The following CCDC7 variants were observed in gnomAD, a reference collection of about 807,000 sequenced individuals.
CCDC7 encodes the protein coiled-coil domain-containing protein 7.
In CCDC7, 183 loss-of-function variants were observed where a neutral mutation model predicts 196.9. That is an observed-to-expected ratio of 0.93 (90% CI 0.82 to 1.05). CCDC7 has a LOEUF of 1.05. Among genes scored for constraint, CCDC7 ranks in the 50% least tolerant of loss-of-function variants. The probability of loss-of-function intolerance (pLI) is 0.00; values close to 1 mark genes in which losing one functional copy is unlikely to be tolerated. For missense variants in CCDC7, 1,540 were observed against 1,482.2 expected (o/e 1.04, Z -0.64); for synonymous variants, 525 against 484.6 (o/e 1.08, Z -1.10).
At chr10:32,528,713 TACATATATACGTATTTAC>T (rs2049109581) in intron 11 of CCDC7, among the ~76,000 whole-genome samples, 1 of 144,024 alleles carries the variant, frequency 6.9e-6, no homozygotes, top group Admixed American at 7.1e-5. Context: ...TATGTATATA[TACATATATACGTATTTAC>T]GTATATATGT....
At chr10:32,831,085 A>AT (rs1260586288) in intron 32 of CCDC7, among the ~76,000 whole-genome samples, 5 of 152,208 alleles carry the variant, frequency 3.3e-5, no homozygotes, top group South Asian at 2.1e-4. Context: ...AGCTTTCTAC[A>AT]TATCTAGGCT....
chr10:32,805,969 A>G (rs887401786), intron 30 of CCDC7, among the ~76,000 whole-genome samples: 4 of 152,198 alleles, frequency 2.6e-5, no homozygotes, highest in African/African-American at 9.7e-5. Flanking sequence ...ATTACATGAC[A>G]AGAGCAGGAG....
chr10:32,710,992 A>T (rs905503697), intron 24 of CCDC7, among the ~76,000 whole-genome samples: 9 of 152,220 alleles, frequency 5.9e-5, no homozygotes, highest in African/African-American at 2.2e-4. Flanking sequence ...GTATCAGCAT[A>T]GATGGGAGGG....
rs753769301 is a variant in CCDC7 at position 32,640,864 on chromosome 10, C to CTTTTTTTTTTTTTTTTTTTTTTTT, written c.2014+5717_2014+5718insTTTTTTTTTTTTTTTTTTTTTTTT. On this transcript the variant is annotated intron_variant, in intron 20 of 41. Transcript: ENST00000639629. ...CAGTCTCTTCTGGCTTGTAGATTTT[C>CTTTTTTTTTTTTTTTTTTTTTTTT]TTTTTTTTTTTCTTTTTTTTTTTAT... 5.4e-5 allele frequency among the ~76,000 whole-genome samples: 4 copies of CTTTTTTTTTTTTTTTTTTTTTTTT among 74,538 alleles called. 1 individual carries two copies. The highest frequency in any genetic ancestry group is 1.1e-4 in the African/African-American group (3 of 27,286). 48.9% of individuals were successfully genotyped at this position (74,538 alleles called of 152,430 possible). A position where few individuals can be genotyped will look rare whatever the true frequency, so the allele number is the denominator to read the frequency against.
intron 41 of CCDC7, among the ~76,000 whole-genome samples, chr10:32,867,959 C>T (rs530381809): frequency 1.3e-5 from 2 of 152,000 alleles, no homozygotes; most frequent in South Asian, 4.1e-4. Flanking sequence ...CATCATTCTA[C>T]TTTTTGTCTC....
Position 32,845,184 on chromosome 10 carries a change from A to G in CCDC7, c.3353-59A>G, listed in dbSNP as rs1280267949. Reference sequence around the variant, plus strand: ...CTCCTATAATTAAACACATACACATACTCAGATTTGGTAATGTTTACCTTT... The same window carrying G: ...CTCCTATAATTAAACACATACACATGCTCAGATTTGGTAATGTTTACCTTT... On this transcript the variant is annotated intron_variant, in intron 33 of 41. Transcript: ENST00000639629. The G allele has an allele frequency of 1.3e-5, 13 of 1,011,000 alleles. No individual in the cohort carries two copies. The East Asian group carries it at 3.4e-4, about 26-fold the overall frequency. The allele number at this position is 1,011,000 out of a possible 1,614,324, so 62.6% of individuals were successfully genotyped here. A position where few individuals can be genotyped will look rare whatever the true frequency, so the allele number is the denominator to read the frequency against.
chr10:32,509,274 T>A (rs189623161), intron 9 of CCDC7, among the ~76,000 whole-genome samples: 6 of 152,262 alleles, frequency 3.9e-5, no homozygotes. Context: ...CAAGTGATCT[T>A]CAGCAATAGT....
At chr10:32,644,220 G>A (rs1224137379) in intron 20 of CCDC7, among the ~76,000 whole-genome samples, 2 of 152,154 alleles carry the variant, frequency 1.3e-5, no homozygotes, top group East Asian at 3.9e-4. Context: ...AAATCTTCTT[G>A]TCTAGCTATC....
intron 18 of CCDC7, among the ~76,000 whole-genome samples, chr10:32,598,018 A>C (rs1028245038): frequency 6.6e-6 from 1 of 152,076 alleles, no homozygotes; most frequent in South Asian, 2.1e-4. Context: ...GAGAACCGCT[A>C]CTCTCTTCAA....
chr10:32,571,373 T>C lies in CCDC7; in HGVS notation c.1420-486T>C, dbSNP rs150019435. Among the ~76,000 whole-genome samples, 899 of 152,294 alleles carry C rather than the reference T, an allele frequency of 5.9e-3. 9 individuals carry two copies. The highest frequency in any genetic ancestry group is 0.021 in the African/African-American group (857 of 41,562). On this transcript the variant is annotated intron_variant, in intron 15 of 41. Coordinates refer to ENST00000639629, the Ensembl canonical transcript of CCDC7. ...GAACATGTATTCTCAGTATACTTAT[T>C]TTAAAATTGATAAATTACAAAAAGT... is the stretch of plus-strand genomic sequence containing the variant.
At chr10:32,719,848 TCATTAAA>T (rs2082144472) in intron 25 of CCDC7, among the ~76,000 whole-genome samples, 1 of 152,110 alleles carries the variant, frequency 6.6e-6, no homozygotes, top group Admixed American at 6.6e-5. Flanking sequence ...AGAATGGTGA[TCATTAAA>T]AAGTCAGGAA....
chr10:32,810,299 T>C (rs906844137), intron 30 of CCDC7, among the ~76,000 whole-genome samples: 1 of 152,022 alleles, frequency 6.6e-6, no homozygotes, highest in Non-Finnish European at 1.5e-5. Context: ...AAGAAACATA[T>C]AGACTGGTAG....
At chr10:32,777,933 C>T (rs1357816593) in intron 28 of CCDC7, among the ~76,000 whole-genome samples, 1 of 152,184 alleles carries the variant, frequency 6.6e-6, no homozygotes, top group Admixed American at 6.5e-5. Context: ...TTGCATTTCT[C>T]TGATGATTAG....
At chr10:32,841,325 A>G (rs1341272899) in intron 33 of CCDC7, among the ~76,000 whole-genome samples, 4 of 152,086 alleles carry the variant, frequency 2.6e-5, no homozygotes, top group African/African-American at 9.7e-5. Flanking sequence ...CTTAATATAC[A>G]CAAATCAGTA....
chr10:32,488,428 C>A (rs11813369), intron 8 of CCDC7, among the ~76,000 whole-genome samples: 10 of 152,174 alleles, frequency 6.6e-5, no homozygotes, highest in Admixed American at 2.0e-4. Flanking sequence ...ATCCCTTGTG[C>A]TTCCCAGGTG....
intron 38 of CCDC7, 31 bp downstream of exon 39, chr10:32,847,947 A>G: frequency 1.5e-6 from 2 of 1,356,298 alleles, no homozygotes; most frequent in Admixed American, 1.8e-5. Context: ...TCTAATATTT[A>G]CAGTTTATCT....
At chr10:32,660,114 C>CT (rs551712904) in intron 20 of CCDC7, among the ~76,000 whole-genome samples, 53 of 147,940 alleles carry the variant, frequency 3.6e-4, no homozygotes, top group East Asian at 2.4e-3. Context: ...CTCTGTTTTT[C>CT]TTTTTTTTTT....
intron 28 of CCDC7, among the ~76,000 whole-genome samples, chr10:32,736,954 A>G (rs1176137076): frequency 1.3e-5 from 2 of 152,176 alleles, no homozygotes; most frequent in African/African-American, 4.8e-5. Context: ...TAGAAAAAAA[A>G]GCATCTGTTT....
intron 13 of CCDC7, among the ~76,000 whole-genome samples, chr10:32,560,764 TAAC>T (rs2055395154): frequency 1.8e-4 from 1 of 5,528 alleles, no homozygotes; most frequent in Admixed American, 3.7e-3. Context: ...CTGCATCAAC[TAAC>T]GAGCAAAATA....
Sources: allele counts gnomAD v4.1 joint callset (sites outside exome capture counted in the v4.1 genomes callset), GRCh38; gene constraint gnomAD v4.1.1; transcripts MANE v1.5; gene names NCBI Gene and HGNC (gene_info 2026-07-23, HGNC 2026-07-21).